TNRC6C: variants seen among roughly 807,000 people sequenced by gnomAD.
TNRC6C encodes trinucleotide repeat containing adaptor 6C.
Under a neutral mutation model 153.7 loss-of-function variants are expected in TNRC6C, and 20 were observed. The ratio of observed to expected loss-of-function variants is 0.13; its 90% CI spans 0.09 to 0.19. TNRC6C has a LOEUF of 0.19. Among genes scored for constraint, TNRC6C ranks in the 10% least tolerant of loss-of-function variants. The probability of loss-of-function intolerance (pLI) is 1.00; values close to 1 mark genes in which losing one functional copy is unlikely to be tolerated. For missense variants in TNRC6C, 1,987 were observed against 2,172.0 expected (o/e 0.91, Z 1.69); for synonymous variants, 811 against 841.4 (o/e 0.96, Z 0.63).
At chr17:77,957,767 C>T (rs1460361050), upstream of TNRC6C, among the ~76,000 whole-genome samples, 1 of 152,258 alleles carries the variant, frequency 6.6e-6, no homozygotes, top group Non-Finnish European at 1.5e-5. Context: ...TCGAATTGCA[C>T]ATTGCGCCTG....
In TNRC6C at chr17:77,994,594, C is replaced by G. The variant is rs561800620; in HGVS notation, c.-37-9576C>G. ...TGTAGTTGTTATATTGATAACTGCC[C>G]CAGGCTCCGTTTCATCACTTCAGTG... is the stretch of plus-strand genomic sequence containing the variant. On this transcript the variant is annotated intron_variant, in intron 1 of 22. Transcript: ENST00000636222. Among the ~76,000 whole-genome samples, 3 of 152,286 alleles carry G rather than the reference C, an allele frequency of 2.0e-5. No individual in the cohort carries two copies. The South Asian group carries it at 6.2e-4, about 32-fold the overall frequency.
chr17:77,968,674 A>G (rs757584928), intron 1 of TNRC6C, among the ~76,000 whole-genome samples: 3 of 152,206 alleles, frequency 2.0e-5, no homozygotes, highest in African/African-American at 4.8e-5. Flanking sequence ...GCTTATGCAC[A>G]TGCCTATTTA....
chr17:78,089,062 G>A (rs775142706), intron 13 of TNRC6C, among the ~76,000 whole-genome samples: 1 of 149,046 alleles, frequency 6.7e-6, no homozygotes, highest in Non-Finnish European at 1.5e-5. Context: ...CCACCTTCTG[G>A]ATTCAAGCAA....
At chr17:77,999,933 A>G (rs1421990974), upstream of TNRC6C, among the ~76,000 whole-genome samples, 33 of 152,222 alleles carry the variant, frequency 2.2e-4, no homozygotes, top group Admixed American at 2.2e-3. Context: ...CCATATTTCA[A>G]TGGCTAGAAG....
chr17:78,000,173 C>T (rs2071389593), upstream of TNRC6C, among the ~76,000 whole-genome samples: 1 of 152,186 alleles, frequency 6.6e-6, no homozygotes. Flanking sequence ...AGGCTTTGGA[C>T]CTTCTCTATA....
intron 1 of TNRC6C, among the ~76,000 whole-genome samples, chr17:78,014,949 CCA>C (rs1278314418): frequency 6.6e-6 from 1 of 151,954 alleles, no homozygotes; most frequent in Admixed American, 6.6e-5. Context: ...CAACTTCTCG[CCA>C]CAATGTTTGC....
At chr17:77,974,292 A>G (rs1242150191) in intron 1 of TNRC6C, among the ~76,000 whole-genome samples, 2 of 152,186 alleles carry the variant, frequency 1.3e-5, no homozygotes, top group East Asian at 1.9e-4. Context: ...TAGCTGATAA[A>G]CAGATGAGAT....
intron 16 of TNRC6C, among the ~76,000 whole-genome samples, chr17:78,096,050 C>G (rs1002331347): frequency 6.6e-6 from 1 of 151,932 alleles, no homozygotes; most frequent in African/African-American, 2.4e-5. Flanking sequence ...GACTTCGTCT[C>G]AAAAAAAGAA....
At position 78,075,159 on chromosome 17, in the gene TNRC6C, G is replaced by A; in HGVS notation, c.2941G>A (p.Asp981Asn). The A allele has an allele frequency of 6.2e-7, 1 of 1,613,468 alleles. No homozygotes were observed. The highest frequency in any genetic ancestry group is 1.3e-5 in the African/African-American group (1 of 75,056). The change falls in exon 8 of 20, where the codon GAC (aspartate) becomes AAC (asparagine). Residue 981 changes from aspartate (D) to asparagine (N), a missense_variant. By Grantham distance (23) the Asp-to-Asn change is conservative. Transcript: ENST00000301624. This position sits in a 1 kb window ranked among gnomAD's most constrained non-coding sequence, Gnocchi z 4.2. ...AGGCGCTCTGCTGGAAAAGAAGGTG[G>A]ACGTGGACAAGCGTGGGCTGGGAGT...
At chr17:78,077,683 A>G (rs1331118519) in intron 9 of TNRC6C, 2 of 241,960 alleles carry the variant, frequency 8.3e-6, no homozygotes, top group Non-Finnish European at 1.6e-5. Flanking sequence ...CTCTTTCCTC[A>G]TGGCAACCAA....
At chr17:77,974,374 A>G (rs2070968923) in intron 1 of TNRC6C, among the ~76,000 whole-genome samples, 1 of 152,148 alleles carries the variant, frequency 6.6e-6, no homozygotes, top group Admixed American at 6.5e-5. Context: ...ATTCCTAGGA[A>G]TTTGTACTTT....
chr17:78,103,329 C>G (rs1330853215), intron 18 of TNRC6C, 85 bp from the exon 22 acceptor site: 30 of 1,511,072 alleles, frequency 2.0e-5, no homozygotes, highest in Non-Finnish European at 2.6e-5. Context: ...TTAGTGTATC[C>G]AATTTCATAC....
At chr17:78,077,297 C>G in exon 9 of TNRC6C, 1 of 1,583,356 alleles carries the variant, frequency 6.3e-7, no homozygotes, top group Non-Finnish European at 8.6e-7. Flanking sequence ...GGGATTGCCT[C>G]CGGGCTGGGC....
At chr17:78,060,296 CT>C (rs1410210856) in intron 3 of TNRC6C, among the ~76,000 whole-genome samples, 1 of 151,994 alleles carries the variant, frequency 6.6e-6, no homozygotes, top group African/African-American at 2.4e-5. Context: ...TGCTCTGTTC[CT>C]CCATAAGCAA....
exon 16 of TNRC6C, chr17:78,093,739 A>T (rs2073432947): frequency 6.2e-7 from 1 of 1,613,838 alleles, no homozygotes; most frequent in Admixed American, 1.7e-5. Flanking sequence ...CCAGGATGTC[A>T]ACCGCTACCT....
intron 2 of TNRC6C, among the ~76,000 whole-genome samples, chr17:78,033,626 G>A (rs999787730): frequency 2.6e-5 from 4 of 151,624 alleles, no homozygotes; most frequent in East Asian, 1.9e-4. Context: ...CCGAGATCAC[G>A]CCATTGCACT....
exon 20 of TNRC6C, chr17:78,107,205 T>G (rs550285924): frequency 1.4e-4 from 21 of 152,330 alleles, no homozygotes; most frequent in African/African-American, 5.1e-4. Context: ...AAATTGGGGA[T>G]GGAAGTCAAG....
chr17:77,964,205 T>C (rs556363092), intron 1 of TNRC6C, among the ~76,000 whole-genome samples: 14 of 152,346 alleles, frequency 9.2e-5, no homozygotes, highest in African/African-American at 3.4e-4. Flanking sequence ...TTTGTATAAA[T>C]CCAAATGGTT....
chr17:78,104,728 C>T lies in TNRC6C; in HGVS notation c.4956C>T (p.Pro1652=). The T allele has an allele frequency of 1.3e-6, 2 of 1,529,906 alleles. No homozygotes were observed. The highest frequency in any genetic ancestry group is 1.8e-6 in the Non-Finnish European group (2 of 1,141,260). The allele number at this position is 1,529,906 out of a possible 1,614,324, so 94.8% of individuals were successfully genotyped here. A position where few individuals can be genotyped will look rare whatever the true frequency, so the allele number is the denominator to read the frequency against. Residue 1652 remains proline (P), a synonymous_variant, in exon 20 of 20, where the codon CCC becomes CCT. Coordinates refer to ENST00000301624, the Ensembl canonical transcript of TNRC6C. The surrounding 1 kb of genome is among the most constrained non-coding windows in gnomAD (Gnocchi z 6.2). ...GTGAGCTGCTGTGGGGCGGGGTGCC[C>T]CAGTACTCCAGCAGCCTGTGGGGCC...
Sources: allele counts gnomAD v4.1 joint callset (sites outside exome capture counted in the v4.1 genomes callset), GRCh38; gene constraint gnomAD v4.1.1; non-coding constraint Gnocchi (gnomAD v3.1); transcripts MANE v1.5; gene names NCBI Gene and HGNC (gene_info 2026-07-23, HGNC 2026-07-21).